Variants in SLC44A1 observed in about 807,000 individuals in gnomAD.
SLC44A1 encodes choline transporter-like protein 1.
SLC44A1 carries 26 observed loss-of-function variants against 79.3 expected under a neutral mutation model. The observed-to-expected ratio is 0.33, with a 90% CI of 0.24 to 0.46. SLC44A1 has a LOEUF of 0.46. Ranked by LOEUF, SLC44A1 falls within the 20% of genes least tolerant of loss-of-function variation. SLC44A1 has a pLI of 1.00. For missense variants in SLC44A1, 688 were observed against 798.1 expected, an observed-to-expected ratio of 0.86 and a Z score of 1.66; for synonymous variants, 263 against 286.2, an observed-to-expected ratio of 0.92 and a Z score of 0.82.
chr9:105,273,065 C>T (rs1305248616), intron 1 of SLC44A1, among the ~76,000 whole-genome samples: 3 of 151,824 alleles, frequency 2.0e-5, no homozygotes, highest in Non-Finnish European at 4.4e-5. Context: ...GATCTTGGCT[C>T]ACTGCAACCT....
intron 13 of SLC44A1, among the ~76,000 whole-genome samples, chr9:105,376,370 C>T (rs1442912488): frequency 7.5e-6 from 1 of 133,130 alleles, no homozygotes. Context: ...ACACTACACA[C>T]ACTGCTTTTT....
intron 4 of SLC44A1, among the ~76,000 whole-genome samples, chr9:105,344,918 G>A (rs1385297663): frequency 1.3e-5 from 2 of 152,186 alleles, no homozygotes; most frequent in Non-Finnish European, 2.9e-5. Flanking sequence ...CTGCTCAGAC[G>A]TCAACACTCA....
chr9:105,309,902 C>G (rs767192506), intron 3 of SLC44A1, 36 bp downstream of exon 3: 1 of 1,594,164 alleles, frequency 6.3e-7, no homozygotes, highest in Non-Finnish European at 8.6e-7. Context: ...CACATGGAAA[C>G]TTTGAAAGAG....
At chr9:105,429,029 G>A (rs1204671046) in intron 15 of SLC44A1, among the ~76,000 whole-genome samples, 3 of 152,110 alleles carry the variant, frequency 2.0e-5, no homozygotes, top group Non-Finnish European at 4.4e-5. Context: ...TAATAAATTC[G>A]GATATTCTTG....
chr9:105,251,817 C>G (rs998991042), intron 1 of SLC44A1, among the ~76,000 whole-genome samples: 2 of 152,164 alleles, frequency 1.3e-5, no homozygotes, highest in Non-Finnish European at 2.9e-5. Flanking sequence ...TTTCTGATCC[C>G]TTCAAACTAG....
At chr9:105,363,744 C>T (rs750249351) in intron 9 of SLC44A1, among the ~76,000 whole-genome samples, 1 of 152,196 alleles carries the variant, frequency 6.6e-6, no homozygotes, top group Non-Finnish European at 1.5e-5. Context: ...GGATTACAGG[C>T]GTGAGCCAGC....
chr9:105,251,317 C>G (rs894238479), intron 1 of SLC44A1, among the ~76,000 whole-genome samples: 6 of 152,132 alleles, frequency 3.9e-5, no homozygotes, highest in Admixed American at 1.3e-4. Flanking sequence ...TCTTCTATAT[C>G]TAGTCACCAC....
intron 15 of SLC44A1, chr9:105,386,174 ATCTC>A (rs933165553): frequency 2.0e-5 from 20 of 982,144 alleles, no homozygotes; most frequent in Non-Finnish European, 2.4e-5. Flanking sequence ...ACACAAATAT[ATCTC>A]TCTACTCCAC....
chr9:105,346,061 A>G (rs1358529966), intron 4 of SLC44A1, among the ~76,000 whole-genome samples: 1 of 152,000 alleles, frequency 6.6e-6, no homozygotes, highest in African/African-American at 2.4e-5. Context: ...ATGAACATGA[A>G]AAGAAAAACA....
chr9:105,280,734 T>C (rs1423812461), intron 1 of SLC44A1, among the ~76,000 whole-genome samples: 1 of 152,156 alleles, frequency 6.6e-6, no homozygotes, highest in East Asian at 1.9e-4. Flanking sequence ...GAGGCACAAG[T>C]AGTGTTGTAT....
intron 15 of SLC44A1, among the ~76,000 whole-genome samples, chr9:105,427,822 T>C (rs895578921): frequency 1.2e-4 from 18 of 152,300 alleles, no homozygotes; most frequent in African/African-American, 4.1e-4. Flanking sequence ...ATTTTCCACA[T>C]CCGGCAGATA....
chr9:105,322,500 C>T (rs769616641), intron 3 of SLC44A1, among the ~76,000 whole-genome samples: 3 of 152,074 alleles, frequency 2.0e-5, no homozygotes, highest in Admixed American at 6.5e-5. Flanking sequence ...GAGTACAGGT[C>T]GTGTATCTAT....
At chr9:105,351,817 G>C (rs1485659397) in intron 5 of SLC44A1, among the ~76,000 whole-genome samples, 1 of 152,072 alleles carries the variant, frequency 6.6e-6, no homozygotes, top group African/African-American at 2.4e-5. Flanking sequence ...ACAAAAATCT[G>C]TCAAGATATT....
At chr9:105,277,774 G>A (rs1047848297) in intron 1 of SLC44A1, among the ~76,000 whole-genome samples, 1 of 152,160 alleles carries the variant, frequency 6.6e-6, no homozygotes, top group Admixed American at 6.5e-5. Flanking sequence ...TGCATGGGAA[G>A]TACTCAAAAA....
chr9:105,309,941 G>A (rs1831134401), intron 3 of SLC44A1, 75 bp downstream of exon 3: 4 of 1,442,376 alleles, frequency 2.8e-6, no homozygotes, highest in Non-Finnish European at 3.8e-6. Flanking sequence ...TGTTCTTGCT[G>A]TTTTAAAGAT....
chr9:105,282,846 C>T (rs943064184), intron 1 of SLC44A1, among the ~76,000 whole-genome samples: 13 of 152,016 alleles, frequency 8.6e-5, no homozygotes, highest in African/African-American at 1.9e-4. Flanking sequence ...GCGCCTGGCA[C>T]GTCTTGATTT....
intron 9 of SLC44A1, 66 bp downstream of exon 9, chr9:105,363,073 A>G (rs774872299): frequency 1.6e-4 from 199 of 1,225,832 alleles, no homozygotes; most frequent in Non-Finnish European, 2.2e-4. Context: ...TTAGAACATC[A>G]GAGAGAGGTA....
intron 1 of SLC44A1, among the ~76,000 whole-genome samples, chr9:105,255,043 GA>G (rs2131200536): frequency 6.7e-6 from 1 of 149,342 alleles, no homozygotes; most frequent in East Asian, 1.9e-4. Context: ...ACTAAAGAGG[GA>G]AAAAAAGAGA....
downstream of SLC44A1, among the ~76,000 whole-genome samples, chr9:105,398,583 A>G (rs10491810): frequency 6.6e-6 from 1 of 152,162 alleles, no homozygotes; most frequent in Non-Finnish European, 1.5e-5. Flanking sequence ...TGGAAAGCGT[A>G]CTCTGTATTT....
Sources: allele counts gnomAD v4.1 joint callset (sites outside exome capture counted in the v4.1 genomes callset), GRCh38; gene constraint gnomAD v4.1.1; transcripts MANE v1.5; gene names NCBI Gene and HGNC (gene_info 2026-07-23, HGNC 2026-07-21).